CERS3: variants seen among roughly 807,000 people sequenced by gnomAD.
CERS3 encodes the protein ceramide synthase 3, also known as LAG1 homolog, ceramide synthase 3.
CERS3 carries 33 observed loss-of-function variants against 50.3 expected under a neutral mutation model. The observed-to-expected ratio is 0.66, with a 90% CI of 0.50 to 0.88. The LOEUF (loss-of-function observed/expected upper bound fraction) is 0.88, where lower values mean the gene tolerates loss of function less well. Among genes scored for constraint, CERS3 ranks in the 40% least tolerant of loss-of-function variants. The pLI is 0.00. For synonymous variants in CERS3, 176 were observed against 155.2 expected, an observed-to-expected ratio of 1.13 and a Z score of -0.99; for missense variants, 470 against 460.3, an observed-to-expected ratio of 1.02 and a Z score of -0.19.
chr15:100,499,563 A>G (rs2035935316), intron 3 of CERS3, among the ~76,000 whole-genome samples: 1 of 152,234 alleles, frequency 6.6e-6, no homozygotes, highest in African/African-American at 2.4e-5. Flanking sequence ...CTAGTACTAA[A>G]GGACAATAAT....
intron 1 of CERS3, among the ~76,000 whole-genome samples, chr15:100,539,009 C>T (rs2037138913): frequency 1.3e-5 from 2 of 152,128 alleles, no homozygotes; most frequent in Non-Finnish European, 2.9e-5. Flanking sequence ...CCACTAGATA[C>T]CCTAAATCAT....
At chr15:100,450,727 A>G (rs2034131234) in intron 11 of CERS3, among the ~76,000 whole-genome samples, 1 of 152,228 alleles carries the variant, frequency 6.6e-6, no homozygotes. Flanking sequence ...AATAGACATG[A>G]TTCTTAAAGG....
chr15:100,465,224 G>C (rs2034674759), intron 10 of CERS3, among the ~76,000 whole-genome samples: 2 of 152,002 alleles, frequency 1.3e-5, no homozygotes, highest in Admixed American at 6.6e-5. Flanking sequence ...TGTCTGAATG[G>C]TGAAATAGGT....
rs1309527795 is a variant in CERS3 at position 100,401,144 on chromosome 15, T to G, written c.*1569A>C. 6.6e-6 allele frequency: 1 copy of G among 152,246 alleles called. No individual in the cohort carries two copies. The highest frequency in any genetic ancestry group is 1.5e-5 in the Non-Finnish European group (1 of 68,068). The allele number at this position is 152,246 out of a possible 1,614,324, so 9.4% of individuals were successfully genotyped here. On this transcript the variant is annotated 3_prime_UTR_variant, in exon 12 of 12. Transcript: ENST00000679737. ...TGCAGCTGCTCTGCTTGGGGCTGAT[T>G]TTCCAGTCCCTACAAGCCGACCTCT...
chr15:100,435,985 T>C (rs2033385137), intron 11 of CERS3, among the ~76,000 whole-genome samples: 1 of 152,142 alleles, frequency 6.6e-6, no homozygotes, highest in Non-Finnish European at 1.5e-5. Context: ...CAGATGCTGG[T>C]GAGGCTGTGG....
intron 11 of CERS3, among the ~76,000 whole-genome samples, chr15:100,429,596 C>A (rs1340480332): frequency 6.6e-6 from 1 of 152,170 alleles, no homozygotes; most frequent in Non-Finnish European, 1.5e-5. Context: ...AGTTCTACCC[C>A]TTTGTACCAG....
chr15:100,442,599 C>A (rs559874756), intron 11 of CERS3, among the ~76,000 whole-genome samples: 1 of 152,284 alleles, frequency 6.6e-6, no homozygotes, highest in African/African-American at 2.4e-5. Flanking sequence ...AAGGAATGCT[C>A]GCAGCCTGGG....
At chr15:100,481,276 T>C (rs2035291287) in intron 5 of CERS3, among the ~76,000 whole-genome samples, 1 of 152,232 alleles carries the variant, frequency 6.6e-6, no homozygotes, top group Non-Finnish European at 1.5e-5. Context: ...ACATTATCAT[T>C]TCCCCTAAGC....
intron 11 of CERS3, among the ~76,000 whole-genome samples, chr15:100,427,462 A>G (rs1229840746): frequency 1.3e-5 from 2 of 152,214 alleles, no homozygotes; most frequent in Non-Finnish European, 2.9e-5. Flanking sequence ...TCTATACCAG[A>G]AATTCCCAAC....
chr15:100,533,420 AT>A (rs2142418140), upstream of CERS3, among the ~76,000 whole-genome samples: 1 of 152,206 alleles, frequency 6.6e-6, no homozygotes, highest in Non-Finnish European at 1.5e-5. Flanking sequence ...TATATTTGCC[AT>A]TGTGTCTCTT....
At position 100,491,082 on chromosome 15, in the gene CERS3, C is replaced by T. The variant is rs1045075586; in HGVS notation, c.174-151G>A. The stretch of plus-strand genomic sequence containing the variant: ...CTACGTACAGCCAAAATCTGTCTCT[C>T]AAAACAGAAAAGTTTCAGTCCATAC... On this transcript the variant is annotated intron_variant, in intron 3 of 11. Transcript: ENST00000679737. The T allele has an allele frequency of 3.8e-6, 2 of 532,698 alleles. No individual in the cohort carries two copies. The highest frequency in any genetic ancestry group is 6.5e-6 in the Non-Finnish European group (2 of 305,508). The allele number at this position is 532,698 out of a possible 1,614,324, so 33.0% of individuals were successfully genotyped here.
chr15:100,476,328 G>A, intron 7 of CERS3, 150 bp from the exon 8 acceptor site: 1 of 449,630 alleles, frequency 2.2e-6, no homozygotes, highest in East Asian at 4.1e-5. Flanking sequence ...TTCAACGAAG[G>A]AATTAAAGAT....
chr15:100,473,111 G>A, intron 8 of CERS3, 59 bp from the exon 9 acceptor site: 1 of 1,523,886 alleles, frequency 6.6e-7, no homozygotes, highest in Non-Finnish European at 8.9e-7. Flanking sequence ...CCAATCACTG[G>A]AAGAGATAAT....
intron 11 of CERS3, 111 bp downstream of exon 11, chr15:100,455,782 G>A: frequency 1.3e-6 from 1 of 754,560 alleles, no homozygotes; most frequent in Non-Finnish European, 1.9e-6. Context: ...ATAAAATCAA[G>A]AAAAAAGAAT....
rs1457825017 is a variant in CERS3, at chr15:100,402,775, A to C, written c.1090T>G (p.Cys364Gly). 1 of 1,614,208 alleles carries C rather than the reference A, an allele frequency of 6.2e-7. No individual in the cohort carries two copies. Residue 364 changes from cysteine (C) to glycine (G), a missense_variant, in exon 12 of 12, where the codon TGT becomes GGT. Transcript: ENST00000679737. The part of the protein sequence containing the change: ...EEATKGKEMD[C>G]LKNGLRAERH... ...TCAGCCCTGAGGCCGTTCTTTAAAC[A>C]ATCCATCTCTTTGCCTTTGGTAGCC... is the stretch of plus-strand genomic sequence containing the variant.
chr15:100,435,170 A>T (rs2033341039), intron 11 of CERS3, among the ~76,000 whole-genome samples: 1 of 152,180 alleles, frequency 6.6e-6, no homozygotes, highest in African/African-American at 2.4e-5. Flanking sequence ...GTAGCCCAGC[A>T]CCTCCAAAGA....
At chr15:100,543,096 C>T (rs73477727) in intron 1 of CERS3, among the ~76,000 whole-genome samples, 1 of 151,876 alleles carries the variant, frequency 6.6e-6, no homozygotes, top group African/African-American at 2.4e-5. Context: ...ATTTTTAGTA[C>T]AGGCAGGGTT....
chr15:100,422,926 G>T (rs1283140988), intron 11 of CERS3, among the ~76,000 whole-genome samples: 1 of 136,394 alleles, frequency 7.3e-6, no homozygotes, highest in Admixed American at 7.5e-5. Context: ...CACACTCTGG[G>T]GACTGTTGTG....
At chr15:100,467,840 T>TATATATAC (rs1427845986) in intron 10 of CERS3, among the ~76,000 whole-genome samples, 3 of 57,244 alleles carry the variant, frequency 5.2e-5, no homozygotes, top group African/African-American at 1.7e-4. Context: ...TATACGTGTA[T>TATATATAC]ATATATATAT....
Sources: allele counts gnomAD v4.1 joint callset (sites outside exome capture counted in the v4.1 genomes callset), GRCh38; gene constraint gnomAD v4.1.1; transcripts MANE v1.5; gene names NCBI Gene and HGNC (gene_info 2026-07-23, HGNC 2026-07-21).